The following SRBD1 variants were observed in gnomAD, a reference collection of about 807,000 sequenced individuals.
The protein encoded by SRBD1 is S1 RNA binding domain 1, also known as S1 RNA-binding domain-containing protein 1.
Under a neutral mutation model 115.3 loss-of-function variants are expected in SRBD1, and 88 were observed. The observed-to-expected ratio is 0.76, with a 90% CI of 0.64 to 0.91. The LOEUF is 0.91. Among genes scored for constraint, SRBD1 ranks in the 40% least tolerant of loss-of-function variants. The probability of loss-of-function intolerance (pLI) is 0.00; values close to 1 mark genes in which losing one functional copy is unlikely to be tolerated. For missense variants in SRBD1, 1,385 were observed against 1,177.4 expected (o/e 1.18, Z -2.58); for synonymous variants, 509 against 407.7 (o/e 1.25, Z -2.99).
chr2:45,571,947 G>A (rs565221517), intron 9 of SRBD1, among the ~76,000 whole-genome samples: 2 of 152,198 alleles, frequency 1.3e-5, no homozygotes, highest in South Asian at 4.2e-4. Context: ...AGGAGAGAAA[G>A]GCGCAGAAAG....
chr2:45,501,225 T>C lies in SRBD1; in HGVS notation c.1875-12894A>G, dbSNP rs187374377. Among the ~76,000 whole-genome samples the C allele has an allele frequency of 1.4e-4, 22 of 152,344 alleles. No homozygotes were observed. In the East Asian group the frequency reaches 4.0e-3, roughly 28 times the overall value. The stretch of plus-strand genomic sequence containing the variant: ...TTGAACCATCCTTGCATACTTGGGA[T>C]GAATCTCACTTGAAACACAAAACTT... On this transcript the variant is annotated intron_variant, in intron 14 of 20. Transcript: ENST00000263736.
chr2:45,524,592 G>C (rs1671384050), intron 14 of SRBD1, among the ~76,000 whole-genome samples: 2 of 151,922 alleles, frequency 1.3e-5, no homozygotes, highest in Non-Finnish European at 2.9e-5. Context: ...AACAAAAGAA[G>C]TATCGAACTT....
intron 16 of SRBD1, among the ~76,000 whole-genome samples, chr2:45,429,202 A>G (rs1469844072): frequency 1.3e-5 from 2 of 152,192 alleles, no homozygotes; most frequent in African/African-American, 4.8e-5. Context: ...TTTGCAGTTG[A>G]ATTCCACCAG....
At chr2:45,471,297 AAC>A (rs1669641123) in intron 16 of SRBD1, among the ~76,000 whole-genome samples, 1 of 152,208 alleles carries the variant, frequency 6.6e-6, no homozygotes, top group Admixed American at 6.5e-5. Context: ...ACATTTTTAA[AAC>A]ACAAATTGTT....
At chr2:45,496,254 G>C (rs901867461) in intron 14 of SRBD1, among the ~76,000 whole-genome samples, 1 of 152,080 alleles carries the variant, frequency 6.6e-6, no homozygotes, top group Non-Finnish European at 1.5e-5. Context: ...AGATTGCTAT[G>C]GCATAGATTT....
chr2:45,601,781 G>C (rs1162755386), intron 3 of SRBD1, 122 bp downstream of exon 3: 1 of 1,261,638 alleles, frequency 7.9e-7, no homozygotes, highest in Non-Finnish European at 1.1e-6. Flanking sequence ...CCCAGGGTAG[G>C]GGATGCCATT....
intron 16 of SRBD1, among the ~76,000 whole-genome samples, chr2:45,438,688 AAAG>A (rs987532111): frequency 2.6e-5 from 4 of 152,306 alleles, no homozygotes; most frequent in Admixed American, 6.5e-5. Context: ...AGAAATAAAA[AAAG>A]AAGGAGAGGC....
At chr2:45,419,717 C>A (rs980134742) in intron 17 of SRBD1, 71 bp downstream of exon 17, 2 of 1,381,852 alleles carry the variant, frequency 1.4e-6, no homozygotes, top group African/African-American at 1.4e-5. Flanking sequence ...TTCCCTTCTT[C>A]TAGCCGAGTT....
At chr2:45,551,339 A>G in intron 11 of SRBD1, 57 bp from the exon 12 acceptor site, 1 of 1,490,388 alleles carries the variant, frequency 6.7e-7, no homozygotes, top group East Asian at 2.3e-5. Context: ...TCTTTCCAGA[A>G]AAGGAGCAGA....
chr2:45,539,377 T>G (rs905428845), intron 14 of SRBD1, among the ~76,000 whole-genome samples: 1 of 152,062 alleles, frequency 6.6e-6, no homozygotes, highest in African/African-American at 2.4e-5. Flanking sequence ...AAGAATAAAA[T>G]AGAAAACCCA....
At chr2:45,521,005 C>T (rs551235699) in intron 14 of SRBD1, among the ~76,000 whole-genome samples, 90 of 152,268 alleles carry the variant, frequency 5.9e-4, no homozygotes, top group South Asian at 3.5e-3. Flanking sequence ...CATCCATGGA[C>T]GTCAAGGCTA....
chr2:45,606,437 G>GGCATGAGTCACTGT (rs1230047896), intron 1 of SRBD1, among the ~76,000 whole-genome samples: 50 of 152,286 alleles, frequency 3.3e-4, no homozygotes, highest in African/African-American at 1.2e-3. Context: ...TGGGATTACA[G>GGCATGAGTCACTGT]GCATGAGTCA....
chr2:45,403,384 T>C (rs1052261543), intron 19 of SRBD1, among the ~76,000 whole-genome samples: 1 of 152,196 alleles, frequency 6.6e-6, no homozygotes, highest in Non-Finnish European at 1.5e-5. Context: ...TTTGTTCTAC[T>C]GAAGTTATCA....
chr2:45,572,386 T>C (rs1673047095), intron 9 of SRBD1, among the ~76,000 whole-genome samples: 3 of 152,190 alleles, frequency 2.0e-5, no homozygotes, highest in South Asian at 4.1e-4. Flanking sequence ...ATGACTATGC[T>C]TCCCATTACT....
At chr2:45,608,996 C>T (rs754440710) in intron 1 of SRBD1, among the ~76,000 whole-genome samples, 5 of 151,832 alleles carry the variant, frequency 3.3e-5, no homozygotes, top group East Asian at 3.9e-4. Flanking sequence ...TTGATAGAGA[C>T]GGGGTTCGTC....
intron 1 of SRBD1, among the ~76,000 whole-genome samples, chr2:45,606,154 AT>A (rs941802357): frequency 8.9e-6 from 1 of 111,924 alleles, no homozygotes; most frequent in Non-Finnish European, 1.8e-5. Flanking sequence ...TTTTTTTCCT[AT>A]TCTTTTTTTT....
chr2:45,553,711 C>G lies in SRBD1; in HGVS notation c.1429G>C (p.Ala477Pro). The G allele has an allele frequency of 6.2e-7, 1 of 1,601,418 alleles. No individual in the cohort carries two copies. The highest frequency in any genetic ancestry group is 1.3e-5 in the African/African-American group (1 of 74,506). The change falls in exon 11 of 21, where the codon GCA (alanine) becomes CCA (proline). Residue 477 changes from alanine to proline, a missense_variant. Coordinates refer to ENST00000263736, the MANE Select transcript of SRBD1 (RefSeq NM_018079.5). The stretch of plus-strand genomic sequence containing the variant: ...AAGATCTTCATTAACTCTGGCCTTG[C>G]AAAGCTACGTGGTCTCCACCTGCAA... The part of the protein sequence containing the change: ...IQNRWRPRSF[A>P]RPELMKILYN...
chr2:45,459,827 C>T (rs958858293), intron 16 of SRBD1, among the ~76,000 whole-genome samples: 2 of 152,120 alleles, frequency 1.3e-5, no homozygotes, highest in African/African-American at 4.8e-5. Flanking sequence ...GTCCAGGGCT[C>T]TGTGTTCTTT....
chr2:45,519,022 A>G (rs1462563971), intron 14 of SRBD1, among the ~76,000 whole-genome samples: 2 of 151,900 alleles, frequency 1.3e-5, no homozygotes, highest in African/African-American at 4.8e-5. Context: ...AGCAAAGTAT[A>G]TTGAGAAAGC....
Sources: gnomAD v4.1 joint callset for allele counts (sites outside exome capture counted in the v4.1 genomes callset) on GRCh38, gnomAD v4.1.1 for gene constraint, MANE v1.5 for transcripts, NCBI Gene and HGNC (gene_info 2026-07-23, HGNC 2026-07-21) for gene names.